Variants in CRYZL1 observed in about 807,000 individuals in gnomAD.
CRYZL1 encodes the protein crystallin zeta like 1, also known as ferry endosomal RAB5 effector complex subunit 4.
CRYZL1 carries 34 observed loss-of-function variants against 50.6 expected under a neutral mutation model. That is an observed-to-expected ratio of 0.67 (90% CI 0.51 to 0.89). CRYZL1 has a LOEUF of 0.89. CRYZL1 is among the 40% of genes least tolerant of loss of function. The probability of loss-of-function intolerance (pLI) is 0.00; values close to 1 mark genes in which losing one functional copy is unlikely to be tolerated. For synonymous variants in CRYZL1, 125 were observed against 134.3 expected, an observed-to-expected ratio of 0.93 and a Z score of 0.48; for missense variants, 354 against 402.3, an observed-to-expected ratio of 0.88 and a Z score of 1.03.
At chr21:33,599,386 A>C in intron 8 of CRYZL1, 138 bp from the exon 9 acceptor site, 1 of 1,157,776 alleles carries the variant, frequency 8.6e-7, no homozygotes, top group Non-Finnish European at 1.3e-6. Flanking sequence ...TACTGAATTT[A>C]AAGGGAGAAA....
chr21:33,603,784 A>C (rs978960362), intron 6 of CRYZL1, among the ~76,000 whole-genome samples: 18 of 152,244 alleles, frequency 1.2e-4, no homozygotes, highest in African/African-American at 4.1e-4. Flanking sequence ...TGTAAAATAT[A>C]AAATATAGCT....
intron 11 of CRYZL1, among the ~76,000 whole-genome samples, chr21:33,592,403 C>T (rs6517181): frequency 0.69 from 104,358 of 151,966 alleles, 35,977 homozygotes; most frequent in African/African-American, 0.76. Flanking sequence ...TCCCAAAGTG[C>T]TGGGATTACA....
intron 8 of CRYZL1, among the ~76,000 whole-genome samples, chr21:33,600,933 G>GTTTTGTT (rs2086747198): frequency 1.7e-5 from 1 of 59,520 alleles, no homozygotes; most frequent in African/African-American, 6.3e-5. Context: ...GGTCCATAAA[G>GTTTTGTT]TTTTTTTTTT....
At position 33,624,694 on chromosome 21, in the gene CRYZL1, T is replaced by G. The variant is rs2087040006; in HGVS notation, c.133A>C (p.Ile45Leu). The G allele has an allele frequency of 6.2e-7, 1 of 1,606,450 alleles. No homozygotes were observed. The highest frequency in any genetic ancestry group is 8.5e-7 in the Non-Finnish European group (1 of 1,178,084). The change falls in exon 3 of 13, where the codon ATA becomes CTA. Residue 45 changes from isoleucine (I) to leucine (L), a missense_variant. Physicochemically the swap from Ile to Leu is conservative, Grantham distance 5. Transcript: ENST00000381554. ...LQVKACALSQ[I>L]NTKLLAEMKM... ...AAAAGAACCAATACCTTTGTATTTATCTGGCTCAGAGCACAAGCTTTAACT... is the reference window on the plus strand; with the variant it reads ...AAAAGAACCAATACCTTTGTATTTAGCTGGCTCAGAGCACAAGCTTTAACT...
At chr21:33,612,356 G>A (rs2086881108) in intron 6 of CRYZL1, among the ~76,000 whole-genome samples, 1 of 149,232 alleles carries the variant, frequency 6.7e-6, no homozygotes. Flanking sequence ...GTGCCATCTC[G>A]GCTCCCTGTA....
chr21:33,593,616 G>C (rs1010683072), intron 11 of CRYZL1, among the ~76,000 whole-genome samples: 4 of 152,144 alleles, frequency 2.6e-5, no homozygotes, highest in African/African-American at 9.7e-5. Flanking sequence ...TTCTCATCGG[G>C]AGAGGTGGTT....
chr21:33,595,519 G>T, intron 11 of CRYZL1: 1 of 1,283,616 alleles, frequency 7.8e-7, no homozygotes, highest in East Asian at 2.9e-5. Context: ...CTGTGCTTCT[G>T]TTTCTTCACC....
rs755056076 is a variant in CRYZL1, at chr21:33,616,591, C to A, written c.262+115G>T. 5.1e-6 allele frequency: 8 copies of A among 1,561,030 alleles called. No homozygotes were observed. The African/African-American group carries it at 1.1e-4, about 21-fold the overall frequency. ...ACAGACGTGAGCCACAGCACCCAGCCGGGAAAGTACTTCTATATGAAGCAA... is the reference window on the plus strand; with the variant it reads ...ACAGACGTGAGCCACAGCACCCAGCAGGGAAAGTACTTCTATATGAAGCAA... On this transcript the variant is annotated intron_variant, in intron 5 of 12. Coordinates refer to ENST00000381554, the MANE Select transcript of CRYZL1 (RefSeq NM_145858.3).
At chr21:33,614,589 T>G (rs971403729) in intron 5 of CRYZL1, among the ~76,000 whole-genome samples, 4 of 152,146 alleles carry the variant, frequency 2.6e-5, no homozygotes, top group Admixed American at 2.6e-4. Flanking sequence ...TCTTTTTTTT[T>G]GAGACAGAGT....
At chr21:33,631,644 G>A in intron 1 of CRYZL1, 87 bp from the exon 2 acceptor site, 1 of 802,836 alleles carries the variant, frequency 1.2e-6, no homozygotes, top group Non-Finnish European at 1.8e-6. Flanking sequence ...GCTGGCAAAG[G>A]ATAAAACGAC....
chr21:33,600,595 T>C (rs998110204), intron 8 of CRYZL1, among the ~76,000 whole-genome samples: 1 of 151,352 alleles, frequency 6.6e-6, no homozygotes. Context: ...AAATTTTCCC[T>C]TCGTTCATGT....
At chr21:33,609,475 T>G (rs886098145) in intron 6 of CRYZL1, among the ~76,000 whole-genome samples, 15 of 152,016 alleles carry the variant, frequency 9.9e-5, no homozygotes, top group African/African-American at 3.4e-4. Context: ...ATTATTTATT[T>G]ATTTTTTTTA....
intron 12 of CRYZL1, among the ~76,000 whole-genome samples, chr21:33,590,707 C>T (rs771213367): frequency 1.3e-5 from 2 of 152,244 alleles, no homozygotes; most frequent in East Asian, 1.9e-4. Context: ...TGAGCCACCA[C>T]GCCTGGCCTA....
In CRYZL1 at chr21:33,622,858, T is replaced by C. The variant is rs900657980; in HGVS notation, c.145-790A>G. 2.8e-4 allele frequency among the ~76,000 whole-genome samples: 42 copies of C among 152,226 alleles called. 1 individual carries two copies. Among genetic ancestry groups the C allele is most frequent in the Admixed American group, 1.4e-3 (22 of 15,284 alleles). ...CAATTTTCTGATCTCCTGTATTGTATACTTGATGGTCAGAAGTCTCTTTTT... is the reference window on the plus strand; with the variant it reads ...CAATTTTCTGATCTCCTGTATTGTACACTTGATGGTCAGAAGTCTCTTTTT... On this transcript the variant is annotated intron_variant, in intron 3 of 12. Transcript: ENST00000381554.
intron 10 of CRYZL1, 127 bp downstream of exon 10, chr21:33,597,153 A>G: frequency 1.1e-6 from 1 of 902,794 alleles, no homozygotes; most frequent in Non-Finnish European, 1.7e-6. Context: ...CATAGGTGTG[A>G]GCCACCATGC....
intron 1 of CRYZL1, among the ~76,000 whole-genome samples, chr21:33,636,486 A>C (rs2087207941): frequency 6.6e-6 from 1 of 152,240 alleles, no homozygotes. Flanking sequence ...TGTTTGAATT[A>C]ATCCACAAAC....
At chr21:33,601,565 G>GA (rs944368085) in intron 8 of CRYZL1, among the ~76,000 whole-genome samples, 5 of 151,808 alleles carry the variant, frequency 3.3e-5, no homozygotes, top group African/African-American at 1.2e-4. Flanking sequence ...GGGCAAACAG[G>GA]AAAAAACATT....
At chr21:33,617,979 G>T (rs374689790) in intron 4 of CRYZL1, among the ~76,000 whole-genome samples, 1 of 152,266 alleles carries the variant, frequency 6.6e-6, no homozygotes, top group South Asian at 2.1e-4. Context: ...TTGGTACCAA[G>T]AAGTTTTCTG....
At chr21:33,640,258 C>A (rs376797487) in intron 1 of CRYZL1, 3 of 1,532,750 alleles carry the variant, frequency 2.0e-6, no homozygotes, top group African/African-American at 1.4e-5. Flanking sequence ...TCTTGTATGG[C>A]GAACTACCTC....
Sources: allele counts gnomAD v4.1 joint callset (sites outside exome capture counted in the v4.1 genomes callset), GRCh38; gene constraint gnomAD v4.1.1; transcripts MANE v1.5; gene names NCBI Gene and HGNC (gene_info 2026-07-23, HGNC 2026-07-21).